The following KCNB2 variants were observed in gnomAD, a reference collection of about 807,000 sequenced individuals.
KCNB2 encodes the protein potassium voltage-gated channel subfamily B member 2, also known as delayed rectifier potassium channel protein.
KCNB2 carries 15 observed loss-of-function variants against 61.5 expected under a neutral mutation model. The observed-to-expected ratio is 0.24, with a 90% CI of 0.16 to 0.38. The LOEUF is 0.38. KCNB2 is among the 10% of genes least tolerant of loss of function. KCNB2 has a pLI of 1.00. For missense variants in KCNB2, 828 were observed against 1,125.2 expected (o/e 0.74, Z 3.78); for synonymous variants, 457 against 446.0 (o/e 1.02, Z -0.31).
intron 2 of KCNB2, among the ~76,000 whole-genome samples, chr8:72,893,193 C>G (rs1307632561): frequency 6.6e-6 from 1 of 151,594 alleles, no homozygotes; most frequent in Non-Finnish European, 1.5e-5. Context: ...GTTACCTGCC[C>G]TGATATTTAT....
In KCNB2 at chr8:72,929,161, G is replaced by A. The variant is rs184342722; in HGVS notation, c.580-6774G>A. On this transcript the variant is annotated intron_variant, in intron 2 of 2. Transcript: ENST00000523207. ...TCACAGAGGGACCGGGCTTGTGCAT[G>A]CAGCAAGCGGAGGTAGAACCATGTG... Among the ~76,000 whole-genome samples, 3 of 152,264 alleles carry A rather than the reference G, an allele frequency of 2.0e-5. No homozygotes were observed. The East Asian group carries it at 5.8e-4, about 29-fold the overall frequency.
At chr8:72,539,219 T>A (rs773445917) in intron 1 of KCNB2, among the ~76,000 whole-genome samples, 6 of 152,196 alleles carry the variant, frequency 3.9e-5, no homozygotes, top group Non-Finnish European at 8.8e-5. Context: ...ACATTACACA[T>A]GTGTATGCGC....
At chr8:72,908,371 T>G (rs1322525905) in intron 2 of KCNB2, among the ~76,000 whole-genome samples, 1 of 152,204 alleles carries the variant, frequency 6.6e-6, no homozygotes, top group African/African-American at 2.4e-5. Context: ...TATTGATTAT[T>G]TTACTATTAT....
chr8:72,670,295 G>A (rs1025522601), intron 2 of KCNB2, among the ~76,000 whole-genome samples: 4 of 152,208 alleles, frequency 2.6e-5, no homozygotes, highest in African/African-American at 4.8e-5. Flanking sequence ...CATTACTTTA[G>A]TGGTGCCTCC....
intron 2 of KCNB2, among the ~76,000 whole-genome samples, chr8:72,924,385 T>G (rs1020390307): frequency 1.1e-4 from 17 of 152,068 alleles, no homozygotes; most frequent in African/African-American, 4.1e-4. Flanking sequence ...TGGCATGCAT[T>G]TATGTCTGAG....
chr8:72,934,224 T>C (rs1296389506), intron 2 of KCNB2, among the ~76,000 whole-genome samples: 1 of 151,758 alleles, frequency 6.6e-6, no homozygotes, highest in East Asian at 1.9e-4. Flanking sequence ...AAAAATTAGC[T>C]GAGCATGGTG....
At chr8:72,560,056 T>C (rs1404416499) in intron 1 of KCNB2, among the ~76,000 whole-genome samples, 2 of 152,220 alleles carry the variant, frequency 1.3e-5, no homozygotes. Context: ...TAGAGACTTC[T>C]CAGTATTTGA....
At chr8:72,710,653 A>C (rs1807311895) in intron 2 of KCNB2, among the ~76,000 whole-genome samples, 1 of 152,170 alleles carries the variant, frequency 6.6e-6, no homozygotes, top group Non-Finnish European at 1.5e-5. Context: ...CCAATCACAT[A>C]GTGAAACTAC....
chr8:72,894,462 T>TTAAAAGTTTATATATTCTTTTAA (rs1696447477), intron 2 of KCNB2, among the ~76,000 whole-genome samples: 1 of 152,240 alleles, frequency 6.6e-6, no homozygotes, highest in Non-Finnish European at 1.5e-5. Context: ...ATATATTCTT[T>TTAAAAGTTTATATATTCTTTTAA]AAGTTTTAAA....
chr8:72,594,276 G>A lies in KCNB2; in HGVS notation c.579+25963G>A, dbSNP rs531706038. Among the ~76,000 whole-genome samples the A allele has an allele frequency of 1.7e-4, 26 of 152,238 alleles. 1 individual carries two copies. In the South Asian group the frequency reaches 4.2e-3, roughly 24 times the overall value. ...TAAAAATTTACCTCTACCACAAGAA[G>A]CAAAGCAATTTGCACCCCCCTCATC... is the stretch of plus-strand genomic sequence containing the variant. On this transcript the variant is annotated intron_variant, in intron 2 of 2. Transcript: ENST00000523207.
chr8:72,577,376 A>G (rs886856379), intron 2 of KCNB2, among the ~76,000 whole-genome samples: 35 of 152,176 alleles, frequency 2.3e-4, no homozygotes, highest in African/African-American at 8.4e-4. Context: ...CCTCTTCATT[A>G]GAGTATGTTC....
chr8:72,574,845 G>A (rs1046120837), intron 2 of KCNB2, among the ~76,000 whole-genome samples: 7 of 152,026 alleles, frequency 4.6e-5, no homozygotes, highest in Non-Finnish European at 8.8e-5. Flanking sequence ...TTTCAAGTGA[G>A]AAAGTTTGTA....
chr8:72,827,765 T>C (rs1157558389), intron 2 of KCNB2, among the ~76,000 whole-genome samples: 1 of 152,038 alleles, frequency 6.6e-6, no homozygotes, highest in African/African-American at 2.4e-5. Context: ...ATGTAAGGGA[T>C]AATATGAAAT....
In KCNB2 at chr8:72,937,590, G is replaced by A. The variant is rs780993618; in HGVS notation, c.2235G>A (p.Ser745=). The A allele has an allele frequency of 1.5e-5, 25 of 1,613,754 alleles. No individual in the cohort carries two copies. The highest frequency in any genetic ancestry group is 1.9e-5 in the Non-Finnish European group (23 of 1,180,000). ...RPLPVTTADF[S]LTTPQHISTI... ...TGCCAGTCACCACAGCTGACTTTTC[G>A]CTCACTACCCCGCAGCACATCAGTA... Residue 745 remains serine (S), a synonymous_variant, in exon 3 of 3, where the codon TCG becomes TCA. Coordinates refer to ENST00000523207, the MANE Select transcript of KCNB2 (RefSeq NM_004770.3).
intron 2 of KCNB2, among the ~76,000 whole-genome samples, chr8:72,927,461 G>A (rs1806674432): frequency 6.6e-6 from 1 of 152,086 alleles, no homozygotes; most frequent in Admixed American, 6.5e-5. Context: ...AGTAGAGACA[G>A]GGTTTCACTG....
chr8:72,863,779 G>A (rs1435762682), intron 2 of KCNB2, among the ~76,000 whole-genome samples: 1 of 152,218 alleles, frequency 6.6e-6, no homozygotes, highest in African/African-American at 2.4e-5. Flanking sequence ...GGAGGCCAAG[G>A]CAGGCAGATG....
intron 2 of KCNB2, among the ~76,000 whole-genome samples, chr8:72,896,539 A>G (rs1024617559): frequency 6.6e-6 from 1 of 152,152 alleles, no homozygotes; most frequent in African/African-American, 2.4e-5. Flanking sequence ...AAACTACTGC[A>G]TTTAAACATT....
At chr8:72,625,829 G>A (rs914526767) in intron 2 of KCNB2, among the ~76,000 whole-genome samples, 1 of 152,126 alleles carries the variant, frequency 6.6e-6, no homozygotes, top group South Asian at 2.1e-4. Context: ...AAGAATGGGA[G>A]GACAGGGGTT....
chr8:72,885,402 A>G (rs529965870), intron 2 of KCNB2, among the ~76,000 whole-genome samples: 2 of 152,296 alleles, frequency 1.3e-5, no homozygotes, highest in African/African-American at 4.8e-5. Flanking sequence ...AGATTTGTTA[A>G]GCATCACATA....
Sources: allele counts gnomAD v4.1 joint callset (sites outside exome capture counted in the v4.1 genomes callset), GRCh38; gene constraint gnomAD v4.1.1; transcripts MANE v1.5; gene names NCBI Gene and HGNC (gene_info 2026-07-23, HGNC 2026-07-21).